MEF2B: variants seen among roughly 807,000 people sequenced by gnomAD.
MEF2B encodes myocyte enhancer factor 2B.
Under a neutral mutation model 32.2 loss-of-function variants are expected in MEF2B, and 15 were observed. The ratio of observed to expected loss-of-function variants is 0.47; its 90% confidence interval spans 0.31 to 0.72. The LOEUF (loss-of-function observed/expected upper bound fraction) is 0.72, where lower values mean the gene tolerates loss of function less well. Among genes scored for constraint, MEF2B ranks in the 30% least tolerant of loss-of-function variants. The pLI, the probability that MEF2B is intolerant of heterozygous loss-of-function variation, is 0.05. For synonymous variants in MEF2B, 205 were observed against 225.6 expected (o/e 0.91, Z 0.82); for missense variants, 441 against 511.5 (o/e 0.86, Z 1.33).
At chr19:19,154,833 G>A (rs2060109456) in intron 1 of MEF2B, among the ~76,000 whole-genome samples, 1 of 152,242 alleles carries the variant, frequency 6.6e-6, no homozygotes, top group South Asian at 2.1e-4. Flanking sequence ...AGGCCAGGGT[G>A]GAGATCATGG....
chr19:19,146,131 G>T, intron 8 of MEF2B, 109 bp from the exon 9 acceptor site: 2 of 1,023,164 alleles, frequency 2.0e-6, no homozygotes, highest in South Asian at 1.9e-5. Context: ...TGGGAAAGGA[G>T]GGGGTGGCGG....
At chr19:19,168,798 T>A (rs1237397952) in intron 1 of MEF2B, among the ~76,000 whole-genome samples, 1 of 152,044 alleles carries the variant, frequency 6.6e-6, no homozygotes, top group Non-Finnish European at 1.5e-5. Context: ...TGCGGTGGCT[T>A]ACTCTTGTAA....
chr19:19,158,013 A>G (rs1433289141), intron 1 of MEF2B, among the ~76,000 whole-genome samples: 3 of 152,058 alleles, frequency 2.0e-5, no homozygotes, highest in African/African-American at 4.8e-5. Context: ...AGATATGTTC[A>G]GTTTGTGCAA....
chr19:19,165,857 C>T (rs2060203680), intron 1 of MEF2B, among the ~76,000 whole-genome samples: 1 of 152,110 alleles, frequency 6.6e-6, no homozygotes, highest in African/African-American at 2.4e-5. Flanking sequence ...TCCATTTCTC[C>T]CTTCCTCAGG....
rs1008834670 is a variant in MEF2B at position 19,166,919 on chromosome 19, G to A, written c.-30+3286C>T. Among the ~76,000 whole-genome samples, 5 of 152,068 alleles carry A rather than the reference G, an allele frequency of 3.3e-5. No individual in the cohort carries two copies. The East Asian group carries it at 7.7e-4, about 24-fold the overall frequency. ...TCTCTATAAATAAATAAATAAATAA[G>A]TGGGCCAGGTGCGGTGGCTCACGCC... On this transcript the variant is annotated intron_variant, in intron 1 of 8. Coordinates refer to ENST00000424583, the MANE Select transcript of MEF2B (RefSeq NM_001145785.2).
chr19:19,148,552 C>G (rs1186493504), intron 3 of MEF2B, among the ~76,000 whole-genome samples: 1 of 152,116 alleles, frequency 6.6e-6, no homozygotes, highest in Non-Finnish European at 1.5e-5. Context: ...CTCCCGGACC[C>G]CAACCTCTTC....
chr19:19,153,376 G>A (rs1028878974), intron 1 of MEF2B, among the ~76,000 whole-genome samples: 5 of 152,168 alleles, frequency 3.3e-5, no homozygotes, highest in African/African-American at 1.2e-4. Context: ...AAGAAACAGC[G>A]GGAGGGTGGG....
chr19:19,145,940 G>A lies in MEF2B; in HGVS notation c.964C>T (p.Arg322Cys). 2 of 1,444,686 alleles carry A rather than the reference G, an allele frequency of 1.4e-6. No homozygotes were observed. Among genetic ancestry groups the A allele is most frequent in the Non-Finnish European group, 1.8e-6 (2 of 1,099,712 alleles). 89.5% of individuals were successfully genotyped at this position (1,444,686 alleles called of 1,614,324 possible). ...PTPPVSIKSERLSPAPGGPGD... is the reference protein window; with the variant it reads ...PTPPVSIKSECLSPAPGGPGD... ...GGGCCCCCGGGGGCCGGAGAGAGGC[G>A]CTCAGACTTGATGCTGACTGGGGGG... Residue 322 changes from arginine to cysteine, a missense_variant, in exon 9 of 9, where the codon CGC becomes TGC. This residue lies in a region of MEF2B where 326 missense variants were observed against 328.4 expected (regional missense o/e 0.99). Coordinates refer to ENST00000424583, the MANE Select transcript of MEF2B (RefSeq NM_001145785.2). The surrounding 1 kb of genome is among the most constrained non-coding windows in gnomAD (Gnocchi z 4.6).
intron 1 of MEF2B, 34 bp from the exon 2 acceptor site, chr19:19,150,798 G>A (rs536809353): frequency 3.1e-6 from 5 of 1,612,760 alleles, no homozygotes; most frequent in South Asian, 2.2e-5. Flanking sequence ...CAGAGTGAGT[G>A]GGTGGAGAGT....
rs2060019047 is a variant in MEF2B, at chr19:19,145,732, T to C, written c.*65A>G. ...TTCTCTGAAGAGGCCTGGAGGGAGG[T>C]GGGGTCCCCACGTGCCCTCGCCGTA... On this transcript the variant is annotated 3_prime_UTR_variant, in exon 9 of 9. Transcript: ENST00000424583. The surrounding 1 kb of genome is among the most constrained non-coding windows in gnomAD (Gnocchi z 4.6). 2.6e-6 allele frequency: 4 copies of C among 1,556,410 alleles called. No homozygotes were observed. Among genetic ancestry groups the C allele is most frequent in the African/African-American group, 1.4e-5 (1 of 73,508 alleles).
chr19:19,146,292 C>CG lies in MEF2B; in HGVS notation c.861dup (p.Ala288ArgfsTer34). ...ACTTACCTGGGCTGGGAGGACACGG[C>CG]GGGGGGCCCATCACCCCTCGAGGGC... On this transcript the variant is annotated frameshift_variant, in exon 8 of 9. Coordinates refer to ENST00000424583, the MANE Select transcript of MEF2B (RefSeq NM_001145785.2). LOFTEE classifies it low-confidence loss of function (END_TRUNC). 3.2e-6 allele frequency: 4 copies of CG among 1,248,454 alleles called. No homozygotes were observed. The highest frequency in any genetic ancestry group is 2.0e-5 in the South Asian group (1 of 49,894). The allele number at this position is 1,248,454 out of a possible 1,614,324, so 77.3% of individuals were successfully genotyped here.
rs1459841197 is a variant in MEF2B, at chr19:19,166,521, C to T, written c.-30+3684G>A. Among the ~76,000 whole-genome samples, 19 of 150,270 alleles carry T rather than the reference C, an allele frequency of 1.3e-4. No homozygotes were observed. In the East Asian group the frequency reaches 3.3e-3, roughly 26 times the overall value. ...CTGTAATCCCAGCACTTTGGGAGGC[C>T]GAGGCAGGAGGACCATTTGAGCTCA... On this transcript the variant is annotated intron_variant, in intron 1 of 8. Coordinates refer to ENST00000424583, the MANE Select transcript of MEF2B (RefSeq NM_001145785.2).
At chr19:19,155,368 G>C (rs2060113235) in intron 1 of MEF2B, among the ~76,000 whole-genome samples, 1 of 152,100 alleles carries the variant, frequency 6.6e-6, no homozygotes, top group Admixed American at 6.5e-5. Context: ...CCATTCTTCT[G>C]GTCTCCCAGA....
intron 1 of MEF2B, among the ~76,000 whole-genome samples, chr19:19,159,259 A>AAAG (rs1165497358): frequency 1.3e-5 from 2 of 150,978 alleles, no homozygotes; most frequent in African/African-American, 4.9e-5. Flanking sequence ...AAAAAAAAAA[A>AAAG]AAAAAATTAA....
intron 1 of MEF2B, among the ~76,000 whole-genome samples, chr19:19,161,004 C>T (rs980619923): frequency 7.2e-4 from 110 of 152,256 alleles, no homozygotes; most frequent in African/African-American, 2.6e-3. Context: ...CCCTCAGGGA[C>T]TCAGGGGAGA....
In MEF2B at chr19:19,145,795, T is replaced by C. The variant is rs1017743175; in HGVS notation, c.*2A>G. On this transcript the variant is annotated 3_prime_UTR_variant, in exon 9 of 9. Transcript: ENST00000424583. This position sits in a 1 kb window ranked among gnomAD's most constrained non-coding sequence, Gnocchi z 4.6. The stretch of plus-strand genomic sequence containing the variant: ...TCTGGGCTGGTGCCACCGGGTGATC[T>C]CCTACCGGGGCCAGCCGTCGGCCAA... The C allele has an allele frequency of 1.9e-6, 3 of 1,544,504 alleles. No homozygotes were observed. The Admixed American group carries it at 6.1e-5, about 31-fold the overall frequency.
Position 19,152,308 on chromosome 19 carries a change from C to T in MEF2B, c.-29-1544G>A, listed in dbSNP as rs1599724225. ...AGCTGTCGTGGCGCACACCTGTAGTCCCAGCCACTTGGGAGGCTGAGGCAG... is the reference window on the plus strand; with the variant it reads ...AGCTGTCGTGGCGCACACCTGTAGTTCCAGCCACTTGGGAGGCTGAGGCAG... On this transcript the variant is annotated intron_variant, in intron 1 of 8. Coordinates refer to ENST00000424583, the MANE Select transcript of MEF2B (RefSeq NM_001145785.2). Among the ~76,000 whole-genome samples, 3 of 149,834 alleles carry T rather than the reference C, an allele frequency of 2.0e-5. No individual in the cohort carries two copies. The East Asian group carries it at 6.0e-4, about 30-fold the overall frequency.
At position 19,146,795 on chromosome 19, in the gene MEF2B, T is replaced by C. The variant is rs1396181369; in HGVS notation, c.622A>G (p.Arg208Gly). ...PPLYLPTEGR[R>G]SDLPGGLAGP... Reference sequence around the variant, plus strand: ...GCCAGGCCACCAGGCAGGTCTGACCTCCGCCCTTCCGTCGGCAGGTACAGT... The same window carrying C: ...GCCAGGCCACCAGGCAGGTCTGACCCCCGCCCTTCCGTCGGCAGGTACAGT... Residue 208 changes from arginine to glycine, a missense_variant, in exon 6 of 9, where the codon AGG becomes GGG. Transcript: ENST00000424583. 2 of 1,613,894 alleles carry C rather than the reference T, an allele frequency of 1.2e-6. No homozygotes were observed.
intron 1 of MEF2B, among the ~76,000 whole-genome samples, chr19:19,168,315 C>G (rs1244566604): frequency 1.3e-5 from 2 of 148,592 alleles, no homozygotes; most frequent in African/African-American, 2.5e-5. Flanking sequence ...CTCTTGTTGC[C>G]CAGGCTGGAG....
Sources: allele counts gnomAD v4.1 joint callset (sites outside exome capture counted in the v4.1 genomes callset), GRCh38; gene constraint gnomAD v4.1.1; regional missense constraint gnomAD v4.1.1; non-coding constraint Gnocchi (gnomAD v3.1); transcripts MANE v1.5; gene names NCBI Gene and HGNC (gene_info 2026-07-23, HGNC 2026-07-21).